Variants in FFAR1 observed in about 807,000 individuals in gnomAD.
FFAR1 encodes the protein free fatty acid receptor 1, also known as G-protein coupled receptor 40.
For missense variants in FFAR1, 424 were observed against 396.2 expected (o/e 1.07, Z -0.60); for synonymous variants, 216 against 201.5 (o/e 1.07, Z -0.61).
upstream of FFAR1, among the ~76,000 whole-genome samples, chr19:35,350,726 ATGGC>A (rs1210399178): frequency 1.3e-5 from 2 of 152,098 alleles, no homozygotes; most frequent in African/African-American, 4.8e-5. Flanking sequence ...CCTCAGGCTA[ATGGC>A]CCTGTCACCC....
At chr19:35,353,017 T>A (rs1213593834) in exon 1 of FFAR1, 2 of 163,544 alleles carry the variant, frequency 1.2e-5, no homozygotes, top group East Asian at 3.5e-4. Flanking sequence ...AAATGCAAGG[T>A]CCCGCAGTGA....
chr19:35,349,188 A>G (rs1287208673), upstream of FFAR1, among the ~76,000 whole-genome samples: 2 of 152,304 alleles, frequency 1.3e-5, no homozygotes, highest in African/African-American at 2.4e-5. Context: ...CTTTGCCCTC[A>G]GGAGGCCGGC....
upstream of FFAR1, among the ~76,000 whole-genome samples, chr19:35,348,068 G>C (rs2066928440): frequency 6.6e-6 from 1 of 152,234 alleles, no homozygotes; most frequent in Non-Finnish European, 1.5e-5. Flanking sequence ...TCTCCTTAGA[G>C]GGCAGGGGTG....
upstream of FFAR1, among the ~76,000 whole-genome samples, chr19:35,348,351 C>T (rs1297974437): frequency 6.6e-6 from 1 of 152,228 alleles, no homozygotes; most frequent in Non-Finnish European, 1.5e-5. Context: ...GTAATCACAG[C>T]ACTCTGGGAG....
exon 1 of FFAR1, chr19:35,352,568 GGA>G (rs1182605939): frequency 8.4e-7 from 1 of 1,190,278 alleles, no homozygotes; most frequent in East Asian, 2.6e-5. Context: ...AGGCCTCCCT[GGA>G]GCCACTCAAG....
exon 1 of FFAR1, chr19:35,352,740 G>A: frequency 4.0e-6 from 2 of 494,464 alleles, no homozygotes; most frequent in Non-Finnish European, 7.3e-6. Flanking sequence ...TCACCTGCCT[G>A]TCTTCCGTGG....
upstream of FFAR1, among the ~76,000 whole-genome samples, chr19:35,351,000 T>C (rs2066941920): frequency 6.6e-6 from 1 of 152,088 alleles, no homozygotes; most frequent in South Asian, 2.1e-4. Context: ...TTCCTGTCCC[T>C]GGCCACACCC....
upstream of FFAR1, among the ~76,000 whole-genome samples, chr19:35,349,396 G>A (rs1328092713): frequency 3.3e-5 from 5 of 152,206 alleles, no homozygotes; most frequent in South Asian, 2.1e-4. Flanking sequence ...CCAGGGCTTC[G>A]CTCTTGCTGC....
chr19:35,352,385 C>T lies in FFAR1; in HGVS notation c.834C>T (p.Tyr278=), dbSNP rs1017887146. Residue 278 remains tyrosine (Y), a synonymous_variant, in exon 1 of 1, where the codon TAC becomes TAT. Transcript: ENST00000246553. ...TGCTTAATCCGCTGGTGACCGGTTA[C>T]TTGGGAAGGGGTCCTGGCCTGAAGA... The T allele has an allele frequency of 6.4e-6, 10 of 1,553,984 alleles. No individual in the cohort carries two copies. The African/African-American group carries it at 1.4e-4, about 21-fold the overall frequency.
exon 1 of FFAR1, chr19:35,353,658 A>G (rs2145693700): frequency 6.6e-6 from 1 of 152,364 alleles, no homozygotes; most frequent in East Asian, 1.9e-4. Context: ...TTGTCTGTTT[A>G]TAAGAGAAGT....
chr19:35,353,287 C>G (rs914024757), exon 1 of FFAR1: 1 of 152,110 alleles, frequency 6.6e-6, no homozygotes, highest in African/African-American at 2.4e-5. Context: ...TCAAGAGCAG[C>G]CTGGGCAAGA....
At position 35,352,143 on chromosome 19, in the gene FFAR1, A is replaced by AC. The variant is rs1362135708; in HGVS notation, c.593dup (p.Ala199SerfsTer74). ...GCTCTTTTTTCTGCCCTTGGCCATC[A>AC]CAGCCTTCTGCTACGTGGGCTGCCT... On this transcript the variant is annotated frameshift_variant, in exon 1 of 1. Transcript: ENST00000246553. LOFTEE classifies it low-confidence loss of function (END_TRUNC). 6.2e-7 allele frequency: 1 copy of AC among 1,610,664 alleles called. No individual in the cohort carries two copies. The highest frequency in any genetic ancestry group is 8.5e-7 in the Non-Finnish European group (1 of 1,179,704).
exon 1 of FFAR1, chr19:35,351,617 C>G (rs1194766436): frequency 1.3e-6 from 2 of 1,542,786 alleles, no homozygotes; most frequent in South Asian, 1.2e-5. Flanking sequence ...GCTTCCCGCT[C>G]AACGTCCTGG....
upstream of FFAR1, among the ~76,000 whole-genome samples, chr19:35,350,843 G>T (rs563082535): frequency 2.6e-5 from 4 of 152,276 alleles, no homozygotes; most frequent in Admixed American, 6.5e-5. Context: ...CAGGAGGTGG[G>T]TCCCTCTCTC....
chr19:35,350,297 A>G (rs2066938622), upstream of FFAR1, among the ~76,000 whole-genome samples: 1 of 152,204 alleles, frequency 6.6e-6, no homozygotes, highest in Non-Finnish European at 1.5e-5. Flanking sequence ...CGCAAAAACT[A>G]AAACAAGCCC....
exon 1 of FFAR1, chr19:35,352,918 C>T (rs1351419896): frequency 5.3e-6 from 1 of 187,700 alleles, no homozygotes; most frequent in East Asian, 1.3e-4. Flanking sequence ...AGGATAATGA[C>T]GCTGTTATAC....
Position 35,351,950 on chromosome 19 carries a change from C to G in FFAR1, c.399C>G (p.Leu133=), listed in dbSNP as rs773653229. The change falls in exon 1 of 1, where the codon CTC becomes CTG. Residue 133 remains leucine (L), a synonymous_variant. Coordinates refer to ENST00000246553, the Ensembl canonical transcript of FFAR1. ...GGGTGTGCGCGGCCATCTGGGCCCT[C>G]GTCCTGTGTCACCTGGGTCTGGTCT... The G allele has an allele frequency of 3.1e-6, 5 of 1,614,166 alleles. No individual in the cohort carries two copies. The South Asian group carries it at 4.4e-5, about 14-fold the overall frequency.
At chr19:35,348,091 C>G (rs146391363), upstream of FFAR1, among the ~76,000 whole-genome samples, 3 of 152,226 alleles carry the variant, frequency 2.0e-5, no homozygotes, top group African/African-American at 7.2e-5. Flanking sequence ...ATTATCTGAT[C>G]ATCAGGGAGA....
chr19:35,348,958 GC>G (rs1331920088), upstream of FFAR1, among the ~76,000 whole-genome samples: 1 of 152,136 alleles, frequency 6.6e-6, no homozygotes, highest in Non-Finnish European at 1.5e-5. Context: ...CTACTACATG[GC>G]TGATTGACCA....
Sources: gnomAD v4.1 joint callset for allele counts (sites outside exome capture counted in the v4.1 genomes callset) on GRCh38, gnomAD v4.1.1 for gene constraint, MANE v1.5 for transcripts, NCBI Gene and HGNC (gene_info 2026-07-23, HGNC 2026-07-21) for gene names.